CEP63: variants seen among roughly 807,000 people sequenced by gnomAD.
The protein encoded by CEP63 is centrosomal protein of 63 kDa.
Under a neutral mutation model 89.1 loss-of-function variants are expected in CEP63, and 84 were observed. That is an observed-to-expected ratio of 0.94 (90% CI 0.79 to 1.13). The LOEUF (loss-of-function observed/expected upper bound fraction) is 1.13. Ranked by LOEUF, CEP63 falls within the 50% of genes most tolerant of loss-of-function variation. The pLI, the probability that CEP63 is intolerant of heterozygous loss-of-function variation, is 0.00. For synonymous variants in CEP63, 267 were observed against 272.5 expected, an observed-to-expected ratio of 0.98 and a Z score of 0.20; for missense variants, 838 against 813.3, an observed-to-expected ratio of 1.03 and a Z score of -0.37.
the CEP63 span, among the ~76,000 whole-genome samples, chr3:134,773,269 C>T: frequency 2.4e-4 from 37 of 152,260 alleles, no homozygotes; most frequent in African/African-American, 8.7e-4. Flanking sequence ...GGAGGCTTAC[C>T]CTCAGTTATG....
the CEP63 span, among the ~76,000 whole-genome samples, chr3:134,622,351 C>T: frequency 6.6e-6 from 1 of 152,118 alleles, no homozygotes. Flanking sequence ...AGAGTATATA[C>T]CATATATACA....
chr3:134,580,821 C>A (rs1958329065), intron 10 of CEP63, among the ~76,000 whole-genome samples: 1 of 152,180 alleles, frequency 6.6e-6, no homozygotes, highest in African/African-American at 2.4e-5. Flanking sequence ...CCCTAATAAT[C>A]CCTGCAACCT....
At chr3:134,608,095 G>C in the CEP63 span, 1 of 1,122,582 alleles carries the variant, frequency 8.9e-7, no homozygotes, top group Non-Finnish European at 1.1e-6. Context: ...TGTCCTGGGA[G>C]ACCCATGTTG....
At chr3:134,668,086 G>A in the CEP63 span, among the ~76,000 whole-genome samples, 4 of 152,120 alleles carry the variant, frequency 2.6e-5, no homozygotes, top group East Asian at 1.9e-4. Flanking sequence ...CTCATGCTCC[G>A]ACCAGCATTG....
the CEP63 span, chr3:134,603,751 G>T: frequency 3.7e-6 from 6 of 1,612,108 alleles, no homozygotes; most frequent in Non-Finnish European, 5.1e-6. Context: ...CAGGACTTTG[G>T]CAATACCATG....
the CEP63 span, chr3:134,610,444 C>T: frequency 9.6e-6 from 14 of 1,459,048 alleles, no homozygotes; most frequent in Non-Finnish European, 1.2e-5. Context: ...CCAAGTCTGT[C>T]CATGGTCTCA....
At chr3:134,557,376 G>GTTTTTTTTTTT (rs199930556) in intron 12 of CEP63, among the ~76,000 whole-genome samples, 1,137 of 101,290 alleles carry the variant, frequency 0.011, 173 homozygotes, top group African/African-American at 0.028. Context: ...TTCATAATTT[G>GTTTTTTTTTTT]TTTTTTTTTT....
rs758116014 is a variant in CEP63, at chr3:134,495,280, T to G, written c.-25-16T>G. On this transcript the variant is annotated splice_polypyrimidine_tract_variant and intron_variant, in intron 1 of 14. Coordinates refer to ENST00000675561, the MANE Select transcript of CEP63 (RefSeq NM_001353108.3). The stretch of plus-strand genomic sequence containing the variant: ...GAAATGAATTGTCTCATGACTGATA[T>G]TTTTTTCTTTGTCAGTTGCCAAAAC... 1.3e-6 allele frequency: 2 copies of G among 1,587,198 alleles called. No individual in the cohort carries two copies. Among genetic ancestry groups the G allele is most frequent in the East Asian group, 2.2e-5 (1 of 44,678 alleles).
chr3:134,591,926 A>G (rs1958605244), downstream of CEP63, among the ~76,000 whole-genome samples: 1 of 152,178 alleles, frequency 6.6e-6, no homozygotes, highest in African/African-American at 2.4e-5. Flanking sequence ...CTGAGATACT[A>G]AAATGCTCTA....
At chr3:134,620,801 G>T in the CEP63 span, 9 of 1,613,724 alleles carry the variant, frequency 5.6e-6, no homozygotes, top group Non-Finnish European at 5.1e-6. Context: ...CCAGGTCAGT[G>T]TGGGCCTCCT....
chr3:134,726,316 A>G, the CEP63 span, among the ~76,000 whole-genome samples: 2 of 152,154 alleles, frequency 1.3e-5, no homozygotes, highest in Non-Finnish European at 2.9e-5. Flanking sequence ...CACTGTGCAC[A>G]TTAGTAAAGG....
At chr3:134,514,868 T>A (rs941322832) in intron 3 of CEP63, among the ~76,000 whole-genome samples, 4 of 152,106 alleles carry the variant, frequency 2.6e-5, no homozygotes, top group Non-Finnish European at 5.9e-5. Flanking sequence ...TATGGGTAAA[T>A]CTAAATGAAT....
the CEP63 span, among the ~76,000 whole-genome samples, chr3:134,661,626 C>A: frequency 8.1e-4 from 123 of 151,816 alleles, 1 homozygote; most frequent in Middle Eastern, 0.01. Context: ...GAATGACGAG[C>A]AATTGAAATG....
rs140717774 is a variant in CEP63, at chr3:134,545,716, G to A, written c.686G>A (p.Arg229His). 55 of 1,614,028 alleles carry A rather than the reference G, an allele frequency of 3.4e-5. No homozygotes were observed. In the South Asian group the frequency reaches 4.1e-4, roughly 12 times the overall value. ...TGTGCCAATGAGTTGGAAATAGAGCGCCTCACCATGAGGGTCAATGACTTG... is the reference window on the plus strand; with the variant it reads ...TGTGCCAATGAGTTGGAAATAGAGCACCTCACCATGAGGGTCAATGACTTG... Reference protein sequence around the residue: ...TICANELEIERLTMRVNDLVG... With the variant: ...TICANELEIEHLTMRVNDLVG... Residue 229 changes from arginine (R) to histidine (H), a missense_variant, in exon 7 of 15, where the codon CGC (arginine) becomes CAC (histidine). Coordinates refer to ENST00000675561, the MANE Select transcript of CEP63 (RefSeq NM_001353108.3).
chr3:134,764,625 T>A, the CEP63 span, among the ~76,000 whole-genome samples: 1 of 152,168 alleles, frequency 6.6e-6, no homozygotes, highest in Non-Finnish European at 1.5e-5. Flanking sequence ...ACCTTCCCCA[T>A]CGCAATGCTT....
intron 3 of CEP63, among the ~76,000 whole-genome samples, chr3:134,511,844 T>C (rs745967232): frequency 4.6e-5 from 7 of 152,174 alleles, no homozygotes; most frequent in Admixed American, 1.3e-4. Context: ...TTCTCCAACA[T>C]TGAAGACTAC....
chr3:134,608,285 TGA>T, the CEP63 span: 8 of 1,213,124 alleles, frequency 6.6e-6, no homozygotes, highest in Admixed American at 3.5e-5. Flanking sequence ...CTATGTGAAC[TGA>T]GAGAGACTCA....
At chr3:134,752,501 C>T in the CEP63 span, among the ~76,000 whole-genome samples, 57 of 152,282 alleles carry the variant, frequency 3.7e-4, no homozygotes, top group Middle Eastern at 3.4e-3. Flanking sequence ...ACCCTCATTT[C>T]GCAGCGGTGG....
At chr3:134,650,474 T>C in the CEP63 span, among the ~76,000 whole-genome samples, 1 of 152,154 alleles carries the variant, frequency 6.6e-6, no homozygotes, top group African/African-American at 2.4e-5. Context: ...CTGCTACCCA[T>C]GAGTCAGCCC....
Sources: allele counts gnomAD v4.1 joint callset (sites outside exome capture counted in the v4.1 genomes callset), GRCh38; gene constraint gnomAD v4.1.1; transcripts MANE v1.5; gene names NCBI Gene and HGNC (gene_info 2026-07-23, HGNC 2026-07-21).